CYFIP2: variants seen among roughly 807,000 people sequenced by gnomAD.
The protein encoded by CYFIP2 is cytoplasmic FMR1 interacting protein 2.
CYFIP2 carries 29 observed loss-of-function variants against 158.7 expected under a neutral mutation model. The ratio of observed to expected loss-of-function variants is 0.18; its 90% CI spans 0.14 to 0.25. The LOEUF is 0.25. Ranked by LOEUF, CYFIP2 falls within the 10% of genes least tolerant of loss-of-function variation. The probability of loss-of-function intolerance (pLI) is 1.00; values close to 1 mark genes in which losing one functional copy is unlikely to be tolerated. For synonymous variants in CYFIP2, 585 were observed against 617.6 expected (o/e 0.95, Z 0.78); for missense variants, 852 against 1,639.5 (o/e 0.52, Z 8.29).
intron 30 of CYFIP2, among the ~76,000 whole-genome samples, chr5:157,392,086 C>T (rs1032324532): frequency 2.0e-5 from 3 of 151,948 alleles, no homozygotes; most frequent in Non-Finnish European, 4.4e-5. Context: ...CTATTCAAGT[C>T]CTTTGTCCAT....
At position 157,318,081 on chromosome 5, in the gene CYFIP2, T is replaced by C. The variant is rs368175177; in HGVS notation, c.1357-1681T>C. 6.6e-5 allele frequency among the ~76,000 whole-genome samples: 10 copies of C among 152,354 alleles called. 1 individual carries two copies. Among genetic ancestry groups the C allele is most frequent in the Admixed American group, 6.5e-4 (10 of 15,304 alleles). ...AAAAAATCGGGTTTCTGTCTTCCTA[T>C]TATGGAATTGTGAGAATTCATTCCA... On this transcript the variant is annotated intron_variant, in intron 13 of 30. Coordinates refer to ENST00000620254, the MANE Select transcript of CYFIP2 (RefSeq NM_001037333.3).
chr5:157,339,092 G>T lies in CYFIP2; in HGVS notation c.2421G>T (p.Thr807=), dbSNP rs369405267. ...GGCTGCTGGAGATTAACCGGCTCAC[G>T]CATCGGCTGCTCTGTAAGCATATGA... The part of the protein sequence containing the change: ...LEWLLEINRL[T]HRLLCKHMTL... The change falls in exon 22 of 31, where the codon ACG becomes ACT. Residue 807 remains threonine (T), a synonymous_variant. Coordinates refer to ENST00000620254, the MANE Select transcript of CYFIP2 (RefSeq NM_001037333.3). 43 of 1,612,984 alleles carry T rather than the reference G, an allele frequency of 2.7e-5. No homozygotes were observed. The highest frequency in any genetic ancestry group is 3.4e-5 in the Non-Finnish European group (40 of 1,179,566).
At chr5:157,340,181 G>A (rs1437811371) in intron 22 of CYFIP2, among the ~76,000 whole-genome samples, 3 of 152,208 alleles carry the variant, frequency 2.0e-5, no homozygotes, top group Admixed American at 6.5e-5. Flanking sequence ...ATAACCCAGT[G>A]GAAGAGTAAG....
At chr5:157,302,750 CACTTGG>C in intron 6 of CYFIP2, 38 bp from the exon 7 acceptor site, 1 of 1,509,512 alleles carries the variant, frequency 6.6e-7, no homozygotes, top group African/African-American at 1.4e-5. Flanking sequence ...TAGGCCGTTG[CACTTGG>C]ACAGTCCTCT....
At chr5:157,389,119 A>G in intron 28 of CYFIP2, 70 bp from the exon 29 acceptor site, 1 of 1,445,006 alleles carries the variant, frequency 6.9e-7, no homozygotes, top group Non-Finnish European at 9.4e-7. Context: ...GAGTTCGGGA[A>G]TCTGTGGTGG....
At chr5:157,335,594 G>T (rs1032913206) in intron 21 of CYFIP2, among the ~76,000 whole-genome samples, 1 of 152,170 alleles carries the variant, frequency 6.6e-6, no homozygotes, top group Non-Finnish European at 1.5e-5. Flanking sequence ...GAAAAAAGAT[G>T]AGAGAAAAAT....
intron 23 of CYFIP2, among the ~76,000 whole-genome samples, chr5:157,351,973 G>A (rs889019961): frequency 2.6e-5 from 4 of 152,148 alleles, no homozygotes; most frequent in African/African-American, 4.8e-5. Flanking sequence ...AAGTTCTTCT[G>A]TGCAAGAGCT....
chr5:157,281,692 G>A (rs1757000863), intron 1 of CYFIP2, among the ~76,000 whole-genome samples: 1 of 152,054 alleles, frequency 6.6e-6, no homozygotes, highest in South Asian at 2.1e-4. Flanking sequence ...CGATTTGGGG[G>A]CCACTTTTTA....
At chr5:157,322,556 C>G (rs903965888) in intron 15 of CYFIP2, among the ~76,000 whole-genome samples, 1 of 152,208 alleles carries the variant, frequency 6.6e-6, no homozygotes, top group Admixed American at 6.5e-5. Context: ...GAGTGCTTCT[C>G]GGCTCCTAGG....
intron 22 of CYFIP2, 49 bp from the exon 23 acceptor site, chr5:157,341,021 A>G (rs1392184773): frequency 1.3e-6 from 2 of 1,544,484 alleles, no homozygotes. Context: ...CCCATGGAGA[A>G]TAATATTAGG....
At chr5:157,349,160 G>C (rs778569531) in intron 23 of CYFIP2, among the ~76,000 whole-genome samples, 1 of 152,052 alleles carries the variant, frequency 6.6e-6, no homozygotes, top group African/African-American at 2.4e-5. Context: ...GGGGGAACAG[G>C]TGGTTTTTGG....
chr5:157,390,899 G>A (rs545893310), intron 30 of CYFIP2, among the ~76,000 whole-genome samples: 1 of 152,302 alleles, frequency 6.6e-6, no homozygotes, highest in African/African-American at 2.4e-5. Flanking sequence ...CTGGGCTCCA[G>A]ACCGGGAGCA....
intron 20 of CYFIP2, among the ~76,000 whole-genome samples, chr5:157,332,208 A>G (rs1761516270): frequency 6.6e-6 from 1 of 152,206 alleles, no homozygotes; most frequent in African/African-American, 2.4e-5. Context: ...TATTTTTCCT[A>G]AACTTCCTGT....
In CYFIP2 at chr5:157,382,672, C is replaced by T. The variant is rs1766243301; in HGVS notation, c.3112+10C>T. The T allele has an allele frequency of 1.2e-6, 2 of 1,613,316 alleles. No individual in the cohort carries two copies. The highest frequency in any genetic ancestry group is 8.5e-7 in the Non-Finnish European group (1 of 1,179,538). ...AGAGTCTACATCAAAGGTAAGAAAC[C>T]ACTACAGCAGCTGAATAGCCAACTG... is the stretch of plus-strand genomic sequence containing the variant. On this transcript the variant is annotated intron_variant, in intron 27 of 30. Transcript: ENST00000620254.
At chr5:157,271,023 G>A (rs1252881339) in intron 1 of CYFIP2, among the ~76,000 whole-genome samples, 4 of 152,176 alleles carry the variant, frequency 2.6e-5, no homozygotes, top group African/African-American at 9.7e-5. Context: ...TAAAAACTGT[G>A]GACTCTAGAC....
chr5:157,383,483 C>A (rs1314696084), intron 28 of CYFIP2, 124 bp downstream of exon 28: 2 of 817,274 alleles, frequency 2.4e-6, no homozygotes, highest in Non-Finnish European at 1.9e-6. Context: ...ATGTCCAATA[C>A]CCAAAAACTG....
At chr5:157,275,886 A>C (rs1341934148) in intron 1 of CYFIP2, among the ~76,000 whole-genome samples, 1 of 152,090 alleles carries the variant, frequency 6.6e-6, no homozygotes, top group Non-Finnish European at 1.5e-5. Flanking sequence ...TTTATTTCTA[A>C]GTATTGTATT....
chr5:157,325,767 G>A (rs1351279292), intron 17 of CYFIP2, 129 bp downstream of exon 17: 1 of 999,402 alleles, frequency 1.0e-6, no homozygotes, highest in East Asian at 2.8e-5. Flanking sequence ...TCCCACCACA[G>A]GGAGAGCTCA....
chr5:157,310,141 A>G (rs1373791236), intron 10 of CYFIP2, among the ~76,000 whole-genome samples: 1 of 152,198 alleles, frequency 6.6e-6, no homozygotes, highest in African/African-American at 2.4e-5. Flanking sequence ...GCCAGCCCTC[A>G]GTGGTCCAGT....
Sources: allele counts gnomAD v4.1 joint callset (sites outside exome capture counted in the v4.1 genomes callset), GRCh38; gene constraint gnomAD v4.1.1; transcripts MANE v1.5; gene names NCBI Gene and HGNC (gene_info 2026-07-23, HGNC 2026-07-21).